PPFIBP1: variants seen among roughly 807,000 people sequenced by gnomAD.
PPFIBP1 encodes PPFIB scaffold protein 1, also known as liprin-beta-1.
PPFIBP1 carries 112 observed loss-of-function variants against 137.8 expected under a neutral mutation model. That is an observed-to-expected ratio of 0.81 (90% CI 0.70 to 0.95). The LOEUF (loss-of-function observed/expected upper bound fraction) is 0.95. Among genes scored for constraint, PPFIBP1 ranks in the 40% least tolerant of loss-of-function variants. The probability of loss-of-function intolerance (pLI) is 0.00; values close to 1 mark genes in which losing one functional copy is unlikely to be tolerated. For missense variants in PPFIBP1, 1,083 were observed against 1,196.6 expected (o/e 0.91, Z 1.40); for synonymous variants, 378 against 417.3 (o/e 0.91, Z 1.15).
At chr12:27,653,979 C>T (rs1040805881) in intron 7 of PPFIBP1, among the ~76,000 whole-genome samples, 1 of 152,142 alleles carries the variant, frequency 6.6e-6, no homozygotes, top group Non-Finnish European at 1.5e-5. Context: ...CCCTGATAAT[C>T]TCCTAATAAA....
chr12:27,621,466 G>A (rs12580367), intron 2 of PPFIBP1, among the ~76,000 whole-genome samples: 3,655 of 152,248 alleles, frequency 0.024, 371 homozygotes, highest in Admixed American at 0.18. Flanking sequence ...CTCAGTATTC[G>A]TTAATTGTAC....
chr12:27,643,146 C>A (rs938805690), intron 4 of PPFIBP1, among the ~76,000 whole-genome samples: 1 of 146,928 alleles, frequency 6.8e-6, no homozygotes, highest in Non-Finnish European at 1.5e-5. Flanking sequence ...AGGAGCCAGT[C>A]TAGATAGAGG....
At chr12:27,571,701 C>T (rs1237614378) in intron 1 of PPFIBP1, among the ~76,000 whole-genome samples, 7 of 152,154 alleles carry the variant, frequency 4.6e-5, no homozygotes, top group Non-Finnish European at 1.0e-4. Flanking sequence ...GTGTTATATA[C>T]CAGTGGGCTG....
chr12:27,647,310 C>A (rs539963584), intron 5 of PPFIBP1, among the ~76,000 whole-genome samples: 9 of 152,142 alleles, frequency 5.9e-5, no homozygotes, highest in East Asian at 1.9e-4. Context: ...ACCTCTCCCC[C>A]CTACCCCTGG....
chr12:27,593,898 C>G, intron 2 of PPFIBP1: 1 of 1,492,286 alleles, frequency 6.7e-7, no homozygotes, highest in Non-Finnish European at 8.9e-7. Context: ...ATGGAAGGAC[C>G]CTTGGAAGGT....
chr12:27,558,495 C>CACAT, intron 1 of PPFIBP1, among the ~76,000 whole-genome samples: 1 of 111,544 alleles, frequency 9.0e-6, no homozygotes, highest in Non-Finnish European at 1.9e-5. Flanking sequence ...CACACACACA[C>CACAT]GATATTCTAT....
At chr12:27,568,603 T>C (rs1430535666) in intron 1 of PPFIBP1, among the ~76,000 whole-genome samples, 3 of 152,226 alleles carry the variant, frequency 2.0e-5, no homozygotes, top group Non-Finnish European at 4.4e-5. Context: ...AGTGGGTCAC[T>C]TAACAGAGCC....
chr12:27,563,270 T>A (rs1308016541), intron 1 of PPFIBP1, among the ~76,000 whole-genome samples: 1 of 57,856 alleles, frequency 1.7e-5, no homozygotes, highest in Non-Finnish European at 2.8e-5. Context: ...TGAAAACCCA[T>A]CTCTACTAAA....
At chr12:27,536,494 G>T (rs1945020445) in intron 1 of PPFIBP1, among the ~76,000 whole-genome samples, 1 of 152,102 alleles carries the variant, frequency 6.6e-6, no homozygotes, top group East Asian at 1.9e-4. Context: ...ACAGAAGGGA[G>T]AGGCCCCAGA....
Position 27,667,179 on chromosome 12 carries a change from A to G in PPFIBP1, c.1005A>G (p.Glu335=). The change falls in exon 13 of 30, where the codon GAA becomes GAG. Residue 335 remains glutamate, a synonymous_variant. Coordinates refer to ENST00000228425, the MANE Select transcript of PPFIBP1 (RefSeq NM_003622.4). ...ATCTTTTCCTAGGCAAAGATGGAGA[A>G]TATGAAGAGCTGCTCAATTCCAGTT... The part of the protein sequence containing the change: ...LAQGKKGKDG[E]YEELLNSSSI... 1 of 1,591,776 alleles carries G rather than the reference A, an allele frequency of 6.3e-7. No individual in the cohort carries two copies. Among genetic ancestry groups the G allele is most frequent in the East Asian group, 2.2e-5 (1 of 44,528 alleles).
intron 1 of PPFIBP1, among the ~76,000 whole-genome samples, chr12:27,570,680 G>A (rs1396127715): frequency 2.0e-5 from 3 of 152,014 alleles, no homozygotes; most frequent in African/African-American, 7.3e-5. Flanking sequence ...TAAGGCCAAG[G>A]TGGGCAGATC....
intron 5 of PPFIBP1, chr12:27,646,408 CTTTTT>C (rs59630572): frequency 2.6e-3 from 909 of 346,630 alleles, no homozygotes; most frequent in Middle Eastern, 4.0e-3. Flanking sequence ...CTGATCTGTT[CTTTTT>C]TTTTTTTTTT....
chr12:27,609,730 A>C (rs1377694094), intron 2 of PPFIBP1, among the ~76,000 whole-genome samples: 2 of 151,876 alleles, frequency 1.3e-5, no homozygotes, highest in African/African-American at 4.8e-5. Flanking sequence ...TTTCAGCCTC[A>C]TTTGCAGCCA....
chr12:27,524,898 G>A (rs973833303), intron 1 of PPFIBP1, among the ~76,000 whole-genome samples: 2 of 152,132 alleles, frequency 1.3e-5, no homozygotes, highest in Non-Finnish European at 2.9e-5. Context: ...TTCACTTGGG[G>A]TGTTTATTAA....
At chr12:27,686,625 T>C (rs1024805522) in intron 24 of PPFIBP1, among the ~76,000 whole-genome samples, 2 of 152,204 alleles carry the variant, frequency 1.3e-5, no homozygotes, top group Non-Finnish European at 2.9e-5. Flanking sequence ...AGCTATTCAA[T>C]AGCAGACAGG....
chr12:27,552,290 GA>G (rs1946855356), intron 1 of PPFIBP1, among the ~76,000 whole-genome samples: 1 of 152,196 alleles, frequency 6.6e-6, no homozygotes, highest in Non-Finnish European at 1.5e-5. Context: ...TTGGAATAGA[GA>G]AATTTATTGT....
At position 27,681,600 on chromosome 12, in the gene PPFIBP1, G is replaced by T. The variant is rs751086586; in HGVS notation, c.1950G>T (p.Leu650=). 1 of 1,614,188 alleles carries T rather than the reference G, an allele frequency of 6.2e-7. No individual in the cohort carries two copies. Among genetic ancestry groups the T allele is most frequent in the African/African-American group, 1.3e-5 (1 of 75,056 alleles). Residue 650 remains leucine (L), a synonymous_variant, in exon 22 of 30, where the codon CTG becomes CTT. Transcript: ENST00000228425. ...KWTKEQVCNW[L]MEQGLGSYLN... ...CCAAGGAGCAGGTTTGCAATTGGCT[G>T]ATGGAACAGGGCTTGGGCTCGTACC...
rs199603668 is a variant in PPFIBP1, at chr12:27,667,428, C to T, written c.1146+108C>T. 5 of 1,008,282 alleles carry T rather than the reference C, an allele frequency of 5.0e-6. No homozygotes were observed. In the East Asian group the frequency reaches 1.1e-4, roughly 22 times the overall value. The allele number at this position is 1,008,282 out of a possible 1,614,324, so 62.5% of individuals were successfully genotyped here. A position where few individuals can be genotyped will look rare whatever the true frequency, so the allele number is the denominator to read the frequency against. ...ACATGGGTTCCTTTCTCAGTTCCAT[C>T]ACCAACTCAAGTGAGGTTATATAAA... is the stretch of plus-strand genomic sequence containing the variant. On this transcript the variant is annotated intron_variant, in intron 13 of 29. Coordinates refer to ENST00000228425, the MANE Select transcript of PPFIBP1 (RefSeq NM_003622.4).
chr12:27,618,300 G>A (rs1349372020), intron 2 of PPFIBP1, among the ~76,000 whole-genome samples: 2 of 152,114 alleles, frequency 1.3e-5, no homozygotes, highest in African/African-American at 4.8e-5. Flanking sequence ...AAGTTAACCC[G>A]AAAAACTAGT....
Sources: allele counts gnomAD v4.1 joint callset (sites outside exome capture counted in the v4.1 genomes callset), GRCh38; gene constraint gnomAD v4.1.1; transcripts MANE v1.5; gene names NCBI Gene and HGNC (gene_info 2026-07-23, HGNC 2026-07-21).